Variants in LUZP2 observed in about 807,000 individuals in gnomAD.
The protein encoded by LUZP2 is leucine zipper protein 2.
In LUZP2, 52 loss-of-function variants were observed where a neutral mutation model predicts 51.6. That is an observed-to-expected ratio of 1.01 (90% CI 0.81 to 1.27). LUZP2 has a LOEUF of 1.27. Ranked by LOEUF, LUZP2 falls within the 50% of genes most tolerant of loss-of-function variation. The pLI, the probability that LUZP2 is intolerant of heterozygous loss-of-function variation, is 0.00. For missense variants in LUZP2, 436 were observed against 395.4 expected (o/e 1.10, Z -0.87); for synonymous variants, 154 against 137.3 (o/e 1.12, Z -0.85).
rs190920571 is a variant in LUZP2 at position 24,581,030 on chromosome 11, A to G, written c.62+83725A>G. Among the ~76,000 whole-genome samples the G allele has an allele frequency of 4.6e-5, 7 of 152,220 alleles. No homozygotes were observed. In the East Asian group the frequency reaches 1.4e-3, roughly 29 times the overall value. ...ACAATCTCATAGAATCCAGTTATAC[A>G]TATTTCTCAAAGCTCTGAGGCAGTT... On this transcript the variant is annotated intron_variant, in intron 1 of 11. Transcript: ENST00000336930.
chr11:24,960,209 C>A (rs1054507085), intron 7 of LUZP2, among the ~76,000 whole-genome samples: 7 of 152,090 alleles, frequency 4.6e-5, no homozygotes, highest in African/African-American at 1.7e-4. Flanking sequence ...TTCTAAAATT[C>A]TCTTTTTTTG....
intron 10 of LUZP2, among the ~76,000 whole-genome samples, chr11:25,068,766 C>T (rs972839543): frequency 2.0e-5 from 3 of 151,946 alleles, no homozygotes; most frequent in African/African-American, 7.2e-5. Flanking sequence ...AACATCACTG[C>T]TTGAGCTACC....
chr11:24,825,605 CTT>C (rs2134166847), intron 5 of LUZP2, among the ~76,000 whole-genome samples: 1 of 152,206 alleles, frequency 6.6e-6, no homozygotes, highest in South Asian at 2.1e-4. Context: ...ATAAGGTAGA[CTT>C]TTATTTTGTT....
intron 9 of LUZP2, among the ~76,000 whole-genome samples, chr11:24,998,938 G>C (rs1856592418): frequency 6.6e-6 from 1 of 152,064 alleles, no homozygotes; most frequent in Non-Finnish European, 1.5e-5. Flanking sequence ...TTTTAAAACT[G>C]TTTTTGTGTG....
At chr11:24,663,690 G>A (rs1041208186) in intron 1 of LUZP2, among the ~76,000 whole-genome samples, 3 of 152,052 alleles carry the variant, frequency 2.0e-5, no homozygotes, top group African/African-American at 7.2e-5. Context: ...AACTTAAATT[G>A]TAGTTCCCAT....
At chr11:24,558,024 A>G (rs888171844) in intron 1 of LUZP2, among the ~76,000 whole-genome samples, 4 of 152,146 alleles carry the variant, frequency 2.6e-5, no homozygotes, top group Admixed American at 6.6e-5. Flanking sequence ...TCTGCCCTCA[A>G]TATGGATAGG....
intron 9 of LUZP2, among the ~76,000 whole-genome samples, chr11:25,004,515 C>A (rs1408317771): frequency 6.6e-6 from 1 of 152,190 alleles, no homozygotes; most frequent in Non-Finnish European, 1.5e-5. Flanking sequence ...CCAGGGCTTG[C>A]TTTTGGAGCT....
intron 1 of LUZP2, among the ~76,000 whole-genome samples, chr11:24,563,918 G>T (rs753567990): frequency 3.3e-5 from 5 of 152,030 alleles, no homozygotes; most frequent in Non-Finnish European, 7.4e-5. Context: ...ATAATTAAAT[G>T]AAATATATCT....
At chr11:24,848,153 A>ATATGATATGATATGT (rs1315443371) in intron 5 of LUZP2, among the ~76,000 whole-genome samples, 1 of 152,094 alleles carries the variant, frequency 6.6e-6, no homozygotes, top group African/African-American at 2.4e-5. Context: ...ATATGATATG[A>ATATGATATGATATGT]TATGATATGA....
intron 5 of LUZP2, among the ~76,000 whole-genome samples, chr11:24,881,688 A>G (rs1025222392): frequency 2.0e-4 from 30 of 152,110 alleles, no homozygotes; most frequent in African/African-American, 7.2e-4. Flanking sequence ...TTCAACAGAA[A>G]TACAAATTCA....
intron 9 of LUZP2, among the ~76,000 whole-genome samples, chr11:25,009,005 C>T (rs556785394): frequency 1.8e-4 from 27 of 152,232 alleles, no homozygotes; most frequent in African/African-American, 5.8e-4. Flanking sequence ...CACAGGGGAC[C>T]ACTCCTTTGT....
chr11:25,030,957 A>ATACATATAATATATATTATATAT (rs1554957953), intron 9 of LUZP2, among the ~76,000 whole-genome samples: 1 of 2,036 alleles, frequency 4.9e-4, no homozygotes, highest in Non-Finnish European at 6.9e-4. Flanking sequence ...TTATATATAT[A>ATACATATAATATATATTATATAT]ATACAATATA....
At chr11:24,954,714 G>A (rs997881643) in intron 7 of LUZP2, among the ~76,000 whole-genome samples, 2 of 152,144 alleles carry the variant, frequency 1.3e-5, no homozygotes, top group East Asian at 1.9e-4. Context: ...AGCATTCAGG[G>A]AAGAGTAACA....
intron 10 of LUZP2, among the ~76,000 whole-genome samples, chr11:25,053,336 T>A (rs1858580838): frequency 6.6e-6 from 1 of 152,120 alleles, no homozygotes; most frequent in African/African-American, 2.4e-5. Flanking sequence ...TGGTACTCTG[T>A]TAATAATTAG....
intron 1 of LUZP2, among the ~76,000 whole-genome samples, chr11:24,580,939 C>G (rs966723052): frequency 2.0e-5 from 3 of 151,704 alleles, no homozygotes; most frequent in African/African-American, 7.3e-5. Context: ...TATTATGAAC[C>G]AAGTATAAGA....
chr11:24,723,304 T>G (rs1363771898), intron 1 of LUZP2, among the ~76,000 whole-genome samples: 2 of 152,206 alleles, frequency 1.3e-5, no homozygotes, highest in Non-Finnish European at 2.9e-5. Flanking sequence ...GAAAAATTTT[T>G]TGGCTGTTAT....
intron 9 of LUZP2, among the ~76,000 whole-genome samples, chr11:25,006,889 G>A (rs1159255970): frequency 6.6e-6 from 1 of 152,156 alleles, no homozygotes; most frequent in Non-Finnish European, 1.5e-5. Flanking sequence ...CCACAGCGTG[G>A]AAAGGGACCC....
At chr11:24,706,652 G>A (rs1456683616) in intron 1 of LUZP2, among the ~76,000 whole-genome samples, 1 of 152,126 alleles carries the variant, frequency 6.6e-6, no homozygotes, top group Non-Finnish European at 1.5e-5. Flanking sequence ...ACGCGAAGGT[G>A]CAAATTGAAA....
chr11:24,669,675 G>A (rs1856337695), intron 1 of LUZP2, among the ~76,000 whole-genome samples: 1 of 151,968 alleles, frequency 6.6e-6, no homozygotes, highest in African/African-American at 2.4e-5. Context: ...GAAACTTTCA[G>A]TAGCTAAACT....
Sources: gnomAD v4.1 joint callset for allele counts (sites outside exome capture counted in the v4.1 genomes callset) on GRCh38, gnomAD v4.1.1 for gene constraint, MANE v1.5 for transcripts, NCBI Gene and HGNC (gene_info 2026-07-23, HGNC 2026-07-21) for gene names.